Variants in TEX14 observed in about 807,000 individuals in gnomAD.
The protein encoded by TEX14 is inactive serine/threonine-protein kinase TEX14.
In TEX14, 168 loss-of-function variants were observed where a neutral mutation model predicts 178.6. The observed-to-expected ratio is 0.94, with a 90% CI of 0.83 to 1.07. The LOEUF (loss-of-function observed/expected upper bound fraction) is 1.07, where lower values mean the gene tolerates loss of function less well. TEX14 is among the 50% of genes least tolerant of loss of function. The pLI is 0.00. For synonymous variants in TEX14, 626 were observed against 634.1 expected, an observed-to-expected ratio of 0.99 and a Z score of 0.19; for missense variants, 1,730 against 1,753.6, an observed-to-expected ratio of 0.99 and a Z score of 0.24.
At chr17:58,663,173 A>C (rs1428518840) in intron 1 of TEX14, among the ~76,000 whole-genome samples, 4 of 151,818 alleles carry the variant, frequency 2.6e-5, no homozygotes, top group Admixed American at 1.3e-4. Context: ...CTGTAATCCC[A>C]GCACTTTTGG....
At position 58,599,092 on chromosome 17, in the gene TEX14, G is replaced by C; in HGVS notation, c.2253C>G (p.Ile751Met). The change falls in exon 14 of 32, where the codon ATC (isoleucine) becomes ATG (methionine). Residue 751 changes from isoleucine to methionine, a missense_variant. By Grantham distance (10) the Ile-to-Met change is conservative. Transcript: ENST00000349033. ...TCTCGACTTCATCTAATATCTGCTCGATATTCCTCAGCCTATCATCATTCT... is the reference window on the plus strand; with the variant it reads ...TCTCGACTTCATCTAATATCTGCTCCATATTCCTCAGCCTATCATCATTCT... ...MHENDDRLRN[I>M]EQILDEVEMK... 1 of 1,613,988 alleles carries C rather than the reference G, an allele frequency of 6.2e-7. No homozygotes were observed. The highest frequency in any genetic ancestry group is 8.5e-7 in the Non-Finnish European group (1 of 1,179,958).
chr17:58,656,165 C>T (rs1598422976), intron 1 of TEX14, among the ~76,000 whole-genome samples: 1 of 151,990 alleles, frequency 6.6e-6, no homozygotes, highest in Non-Finnish European at 1.5e-5. Flanking sequence ...GCTGGGCAGC[C>T]GGGCACAGTG....
intron 10 of TEX14, among the ~76,000 whole-genome samples, 193 bp downstream of exon 10, chr17:58,610,968 A>C (rs1428513403): frequency 3.3e-5 from 5 of 152,154 alleles, no homozygotes; most frequent in African/African-American, 1.2e-4. Flanking sequence ...TACTTGTTAA[A>C]TGTTTATTAA....
chr17:58,628,350 G>A (rs569909245), intron 3 of TEX14, among the ~76,000 whole-genome samples: 11 of 152,030 alleles, frequency 7.2e-5, no homozygotes, highest in African/African-American at 2.2e-4. Context: ...AGACTGAGGC[G>A]GGCGGACCAT....
At chr17:58,557,709 G>A (rs888616027) in intron 31 of TEX14, 90 bp downstream of exon 31, 2 of 955,972 alleles carry the variant, frequency 2.1e-6, no homozygotes, top group African/African-American at 1.7e-5. Flanking sequence ...TGTCATTAAT[G>A]TGTATTTAGA....
chr17:58,606,726 T>A (rs1376949179), intron 10 of TEX14, among the ~76,000 whole-genome samples: 1 of 147,110 alleles, frequency 6.8e-6, no homozygotes, highest in Non-Finnish European at 1.5e-5. Flanking sequence ...AGAGTGAGAC[T>A]CCATCTTAAA....
chr17:58,662,927 G>T (rs986676441), intron 1 of TEX14, among the ~76,000 whole-genome samples: 1 of 151,608 alleles, frequency 6.6e-6, no homozygotes. Context: ...AGACCATGGT[G>T]AAACCCCGTC....
intron 1 of TEX14, among the ~76,000 whole-genome samples, chr17:58,653,996 G>C (rs1161940813): frequency 6.6e-6 from 1 of 152,146 alleles, no homozygotes; most frequent in Non-Finnish European, 1.5e-5. Flanking sequence ...CCTGTGAATA[G>C]TGAAACCCCA....
rs756782379 is a variant in TEX14, at chr17:58,622,967, C to T, written c.297G>A (p.Ser99=). Residue 99 remains serine, a synonymous_variant, in exon 4 of 32, where the codon TCG becomes TCA. Transcript: ENST00000349033. ...GTTTGCTAAGGATCCACTGATTGCC[C>T]GAAAATGCTGCTGCATGGACAGGGG... ...GSTPVHAAAF[S]GNQWILSKLL... 1.6e-5 allele frequency: 25 copies of T among 1,610,590 alleles called. No homozygotes were observed. Among genetic ancestry groups the T allele is most frequent in the African/African-American group, 6.7e-5 (5 of 74,880 alleles).
At chr17:58,645,444 C>T (rs1473892035) in intron 2 of TEX14, among the ~76,000 whole-genome samples, 5 of 152,062 alleles carry the variant, frequency 3.3e-5, no homozygotes, top group African/African-American at 7.2e-5. Context: ...CTGCAAGCTC[C>T]GCCTCCCGGG....
intron 3 of TEX14, among the ~76,000 whole-genome samples, chr17:58,623,939 G>A (rs2046068487): frequency 6.6e-6 from 1 of 152,134 alleles, no homozygotes; most frequent in Non-Finnish European, 1.5e-5. Context: ...ACTATTACAA[G>A]TTTTTGTATC....
intron 14 of TEX14, among the ~76,000 whole-genome samples, chr17:58,595,458 C>T (rs1017965322): frequency 6.6e-6 from 1 of 152,158 alleles, no homozygotes; most frequent in Non-Finnish European, 1.5e-5. Flanking sequence ...GGGCTGGCCT[C>T]GTGAATTTCT....
intron 26 of TEX14, among the ~76,000 whole-genome samples, chr17:58,566,935 G>A (rs1439982446): frequency 6.6e-6 from 1 of 152,118 alleles, no homozygotes; most frequent in African/African-American, 2.4e-5. Flanking sequence ...GGGAGGCTGA[G>A]GCAGGTGGAT....
intron 1 of TEX14, among the ~76,000 whole-genome samples, chr17:58,663,543 G>A (rs1489839576): frequency 2.0e-5 from 3 of 150,640 alleles, no homozygotes; most frequent in Non-Finnish European, 4.4e-5. Context: ...CTTGGCTCAC[G>A]GCAACCTCCA....
chr17:58,576,126 T>C (rs1006137932), intron 21 of TEX14, among the ~76,000 whole-genome samples: 3 of 152,248 alleles, frequency 2.0e-5, no homozygotes, highest in African/African-American at 7.2e-5. Context: ...AGATACGTTA[T>C]AACAATTATG....
chr17:58,650,218 C>G (rs548540686), intron 2 of TEX14, among the ~76,000 whole-genome samples: 1 of 149,856 alleles, frequency 6.7e-6, no homozygotes, highest in African/African-American at 2.5e-5. Context: ...CCACCACACC[C>G]GGCTAATTAT....
chr17:58,627,493 G>A (rs1341225083), intron 3 of TEX14, among the ~76,000 whole-genome samples: 13 of 152,048 alleles, frequency 8.5e-5, no homozygotes, highest in African/African-American at 2.4e-4. Context: ...GGAAATGGCC[G>A]GGCATGGTGG....
At chr17:58,631,773 C>T (rs1032352958) in intron 2 of TEX14, 20 of 152,070 alleles carry the variant, frequency 1.3e-4, no homozygotes, top group South Asian at 2.1e-4. Flanking sequence ...TTCCAGCGTT[C>T]TACACGTTCA....
intron 1 of TEX14, chr17:58,659,262 A>G (rs935157052): frequency 6.2e-6 from 5 of 811,668 alleles, no homozygotes; most frequent in South Asian, 1.1e-4. Context: ...CAAGAAAAAC[A>G]CTTTATCAGG....
Sources: allele counts gnomAD v4.1 joint callset (sites outside exome capture counted in the v4.1 genomes callset), GRCh38; gene constraint gnomAD v4.1.1; transcripts MANE v1.5; gene names NCBI Gene and HGNC (gene_info 2026-07-23, HGNC 2026-07-21).